The following SERPINA6 variants were observed in gnomAD, a reference collection of about 807,000 sequenced individuals.
The protein encoded by SERPINA6 is serpin family A member 6, also known as corticosteroid-binding globulin.
A neutral mutation model predicts 26.4 loss-of-function variants in SERPINA6; 19 were observed. The observed-to-expected ratio is 0.72, with a 90% CI of 0.50 to 1.06. The LOEUF (loss-of-function observed/expected upper bound fraction) is 1.06. Ranked by LOEUF, SERPINA6 falls within the 50% of genes least tolerant of loss-of-function variation. The pLI is 0.00. For synonymous variants in SERPINA6, 196 were observed against 199.4 expected, an observed-to-expected ratio of 0.98 and a Z score of 0.14; for missense variants, 473 against 504.0, an observed-to-expected ratio of 0.94 and a Z score of 0.59.
rs768231784 is a variant in SERPINA6 at position 94,304,412 on chromosome 14, G to T, written c.*6C>A. ...GACAGTGCTGAGGCTCTGGGTGGGT[G>T]GTCTCTTACACTGGGTTCATAACCC... On this transcript the variant is annotated 3_prime_UTR_variant, in exon 5 of 5. Coordinates refer to ENST00000341584, the MANE Select transcript of SERPINA6 (RefSeq NM_001756.4). 1.2e-6 allele frequency: 2 copies of T among 1,613,730 alleles called. No homozygotes were observed. The highest frequency in any genetic ancestry group is 1.7e-6 in the Non-Finnish European group (2 of 1,179,676).
intron 3 of SERPINA6, 65 bp from the exon 4 acceptor site, chr14:94,306,283 A>G: frequency 6.5e-7 from 1 of 1,535,030 alleles, no homozygotes; most frequent in Non-Finnish European, 9.0e-7. Context: ...GGAGAGCAGC[A>G]CCTCTTCTCC....
intron 1 of SERPINA6, among the ~76,000 whole-genome samples, chr14:94,318,809 T>C (rs1050135190): frequency 4.6e-5 from 7 of 152,126 alleles, no homozygotes; most frequent in African/African-American, 1.2e-4. Context: ...AATAAACAAA[T>C]TGGACTTCAT....
rs1895581387 is a variant in SERPINA6, at chr14:94,314,448, A to G, written c.201T>C (p.Pro67=). The part of the protein sequence containing the change: ...LSPKKNIFIS[P]VSISMALAML... ...TAGCTAAGGCCATGGAGATGCTCACAGGGGAGATGAAAATGTTCTTTTTGG... is the reference window on the plus strand; with the variant it reads ...TAGCTAAGGCCATGGAGATGCTCACGGGGGAGATGAAAATGTTCTTTTTGG... Residue 67 remains proline (P), a synonymous_variant, in exon 2 of 5, where the codon CCT becomes CCC. Transcript: ENST00000341584. 1 of 1,614,066 alleles carries G rather than the reference A, an allele frequency of 6.2e-7. No individual in the cohort carries two copies. The highest frequency in any genetic ancestry group is 1.7e-5 in the Admixed American group (1 of 59,996).
chr14:94,313,891 C>T (rs1380842890), intron 2 of SERPINA6, 145 bp downstream of exon 2: 2 of 895,554 alleles, frequency 2.2e-6, no homozygotes, highest in East Asian at 2.4e-5. Flanking sequence ...ACCTACCCAG[C>T]AGGATTGTGG....
At chr14:94,308,483 CT>C (rs1895475136) in intron 3 of SERPINA6, among the ~76,000 whole-genome samples, 2 of 152,264 alleles carry the variant, frequency 1.3e-5, no homozygotes, top group Admixed American at 1.3e-4. Flanking sequence ...GAATGAAATG[CT>C]GCCTGATCCA....
chr14:94,322,268 G>A (rs1387723371), intron 1 of SERPINA6, among the ~76,000 whole-genome samples: 1 of 152,176 alleles, frequency 6.6e-6, no homozygotes, highest in Non-Finnish European at 1.5e-5. Context: ...CAGCACTTTT[G>A]GAAGCTGAGG....
At chr14:94,317,443 T>C (rs72704359) in intron 1 of SERPINA6, among the ~76,000 whole-genome samples, 3,865 of 152,288 alleles carry the variant, frequency 0.025, 83 homozygotes, top group Middle Eastern at 0.044. Context: ...GGGAAGTTTG[T>C]GCCCTTTGCA....
intron 2 of SERPINA6, among the ~76,000 whole-genome samples, chr14:94,311,725 G>A (rs1388024022): frequency 6.6e-6 from 1 of 152,080 alleles, no homozygotes; most frequent in East Asian, 1.9e-4. Context: ...GGATCATGAG[G>A]TCAGGAGATC....
At chr14:94,313,797 C>A (rs1333312174) in intron 2 of SERPINA6, 2 of 656,906 alleles carry the variant, frequency 3.0e-6, no homozygotes, top group Non-Finnish European at 5.5e-6. Flanking sequence ...CAGGTGTGGG[C>A]CTCAAACCAA....
Position 94,304,595 on chromosome 14 carries a change from A to G in SERPINA6, c.1041T>C (p.His347=), listed in dbSNP as rs964221774. ...CCTCATTGAGTTGCAGCACAGCTTT[A>G]TGGACCACCTGTTAGGTACAGAATG... ...DAQLKSSKVV[H]KAVLQLNEEG... is the part of the protein sequence containing the mutation. The change falls in exon 5 of 5, where the codon CAT becomes CAC. Residue 347 remains histidine, a synonymous_variant. Coordinates refer to ENST00000341584, the MANE Select transcript of SERPINA6 (RefSeq NM_001756.4). 6.2e-7 allele frequency: 1 copy of G among 1,613,934 alleles called. No homozygotes were observed. The highest frequency in any genetic ancestry group is 8.5e-7 in the Non-Finnish European group (1 of 1,179,946).
At chr14:94,312,179 C>T (rs1895541088) in intron 2 of SERPINA6, among the ~76,000 whole-genome samples, 1 of 152,156 alleles carries the variant, frequency 6.6e-6, no homozygotes, top group African/African-American at 2.4e-5. Context: ...AATGTCTGGT[C>T]CTGCATTCAG....
intron 3 of SERPINA6, among the ~76,000 whole-genome samples, chr14:94,307,975 G>A (rs1310847507): frequency 6.6e-6 from 1 of 152,244 alleles, no homozygotes; most frequent in Non-Finnish European, 1.5e-5. Context: ...TAATAAAGTA[G>A]AGGAGCTTCC....
chr14:94,310,102 T>A, intron 2 of SERPINA6, 96 bp from the exon 3 acceptor site: 1 of 1,288,690 alleles, frequency 7.8e-7, no homozygotes, highest in Non-Finnish European at 1.1e-6. Context: ...AGTGGCCTTC[T>A]GCATGCTTGG....
chr14:94,313,954 C>A, intron 2 of SERPINA6, 82 bp downstream of exon 2: 1 of 1,484,416 alleles, frequency 6.7e-7, no homozygotes, highest in Non-Finnish European at 9.4e-7. Flanking sequence ...AAAGACTTTG[C>A]CCAAGAGTGT....
chr14:94,310,003 G>A lies in SERPINA6; in HGVS notation c.617C>T (p.Thr206Ile). Reference protein sequence around the residue: ...VLVNYIFFKGTWTQPFDLAST... With the variant: ...VLVNYIFFKGIWTQPFDLAST... ...TGCCAGGTCAAAGGGCTGTGTCCATGTGCCTAGGAAGAGGAGGAGACAGGT... is the reference window on the plus strand; with the variant it reads ...TGCCAGGTCAAAGGGCTGTGTCCATATGCCTAGGAAGAGGAGGAGACAGGT... The change falls in exon 3 of 5, where the codon ACA (threonine) becomes ATA (isoleucine). Residue 206 changes from threonine to isoleucine, a missense_variant. Coordinates refer to ENST00000341584, the MANE Select transcript of SERPINA6 (RefSeq NM_001756.4). 2 of 1,614,092 alleles carry A rather than the reference G, an allele frequency of 1.2e-6. No homozygotes were observed. Among genetic ancestry groups the A allele is most frequent in the South Asian group, 2.2e-5 (2 of 91,070 alleles).
chr14:94,307,145 A>C (rs1341223364), intron 3 of SERPINA6, among the ~76,000 whole-genome samples: 1 of 152,208 alleles, frequency 6.6e-6, no homozygotes, highest in African/African-American at 2.4e-5. Flanking sequence ...CGGAAATAGT[A>C]ACAGAAAGAA....
At chr14:94,312,124 T>G (rs938249672) in intron 2 of SERPINA6, among the ~76,000 whole-genome samples, 6 of 152,324 alleles carry the variant, frequency 3.9e-5, no homozygotes, top group Admixed American at 3.9e-4. Flanking sequence ...TTCGTTTTGT[T>G]GTATTATAGA....
chr14:94,322,307 G>A (rs572184679), intron 1 of SERPINA6, among the ~76,000 whole-genome samples: 1 of 152,290 alleles, frequency 6.6e-6, no homozygotes, highest in East Asian at 1.9e-4. Flanking sequence ...TCAGGAGTTC[G>A]AGACTAGCCT....
rs1425142387 is a variant in SERPINA6 at position 94,314,304 on chromosome 14, G to C, written c.345C>G (p.Leu115=). 2.5e-6 allele frequency: 4 copies of C among 1,614,084 alleles called. No homozygotes were observed. In the Admixed American group the frequency reaches 5.0e-5, roughly 20 times the overall value. The change falls in exon 2 of 5, where the codon CTC becomes CTG. Residue 115 remains leucine (L), a synonymous_variant. Coordinates refer to ENST00000341584, the MANE Select transcript of SERPINA6 (RefSeq NM_001756.4). ...CTAAGCTGGTGTCTGACTTTGCAAA[G>C]AGTTGGTGCAGGTGCTGGAAACCCT... ...IHQGFQHLHQ[L]FAKSDTSLEM...
Sources: gnomAD v4.1 joint callset for allele counts (sites outside exome capture counted in the v4.1 genomes callset) on GRCh38, gnomAD v4.1.1 for gene constraint, MANE v1.5 for transcripts, NCBI Gene and HGNC (gene_info 2026-07-23, HGNC 2026-07-21) for gene names.